Variants in FHIT observed in about 807,000 individuals in gnomAD.
The protein encoded by FHIT is bis(5'-adenosyl)-triphosphatase.
Under a neutral mutation model 17.9 loss-of-function variants are expected in FHIT, and 19 were observed. That is an observed-to-expected ratio of 1.06 (90% CI 0.74 to 1.56). The LOEUF is 1.56. Ranked by LOEUF, FHIT falls within the 40% of genes most tolerant of loss-of-function variation. FHIT has a pLI of 0.00. For synonymous variants in FHIT, 81 were observed against 69.7 expected, an observed-to-expected ratio of 1.16 and a Z score of -0.81; for missense variants, 248 against 189.2, an observed-to-expected ratio of 1.31 and a Z score of -1.82.
chr3:60,690,537 T>C, intron 4 of FHIT: 1 of 558,008 alleles, frequency 1.8e-6, no homozygotes, highest in Non-Finnish European at 3.6e-6. Context: ...CACCCTGACA[T>C]ACAAACCCTG....
chr3:60,167,200 C>T (rs1701212958), intron 5 of FHIT, among the ~76,000 whole-genome samples: 1 of 152,150 alleles, frequency 6.6e-6, no homozygotes, highest in South Asian at 2.1e-4. Flanking sequence ...AAATAAAGTG[C>T]CATACACAGT....
At chr3:60,515,563 T>C (rs981366528) in intron 5 of FHIT, among the ~76,000 whole-genome samples, 9 of 134,464 alleles carry the variant, frequency 6.7e-5, no homozygotes, top group East Asian at 4.0e-4. Flanking sequence ...AAAGGGAAGT[T>C]TGGGCTTTAA....
chr3:60,802,315 A>G (rs1195984347), intron 4 of FHIT, among the ~76,000 whole-genome samples: 4 of 152,184 alleles, frequency 2.6e-5, no homozygotes, highest in Non-Finnish European at 5.9e-5. Flanking sequence ...ACGTTTTCAG[A>G]ACAAATACCA....
chr3:60,630,026 C>T (rs928333146), intron 4 of FHIT, among the ~76,000 whole-genome samples: 12 of 152,144 alleles, frequency 7.9e-5, no homozygotes, highest in Non-Finnish European at 1.2e-4. Context: ...GGGATCAAAG[C>T]GTATGGGAGG....
At chr3:59,896,463 A>G (rs927505694) in intron 8 of FHIT, among the ~76,000 whole-genome samples, 1 of 152,194 alleles carries the variant, frequency 6.6e-6, no homozygotes, top group African/African-American at 2.4e-5. Context: ...GAAAATCAGA[A>G]TAATAGAGGG....
intron 4 of FHIT, among the ~76,000 whole-genome samples, chr3:60,710,657 G>C (rs1185286631): frequency 6.6e-6 from 1 of 152,214 alleles, no homozygotes; most frequent in Non-Finnish European, 1.5e-5. Context: ...CACCCACGGA[G>C]TCTCACTGAT....
intron 3 of FHIT, among the ~76,000 whole-genome samples, chr3:60,913,277 A>C (rs1459002800): frequency 2.0e-5 from 3 of 152,242 alleles, no homozygotes; most frequent in Non-Finnish European, 4.4e-5. Flanking sequence ...ACAGAATTTG[A>C]AATTTCAACA....
Position 60,885,025 on chromosome 3 carries a change from T to C in FHIT, c.-110-63014A>G, listed in dbSNP as rs1020142117. 5.1e-5 allele frequency among the ~76,000 whole-genome samples: 7 copies of C among 138,222 alleles called. No homozygotes were observed. The South Asian group carries it at 1.7e-3, about 33-fold the overall frequency. 90.7% of individuals were successfully genotyped at this position (138,222 alleles called of 152,430 possible). On this transcript the variant is annotated intron_variant, in intron 3 of 9. Coordinates refer to ENST00000492590, the MANE Select transcript of FHIT (RefSeq NM_002012.4). ...GGATCTCATGGAGGTAGAAAGTTGA[T>C]GGGTGCTACTAGAGCCTGGAAAGGG...
chr3:61,222,156 G>A (rs553654049), intron 1 of FHIT, among the ~76,000 whole-genome samples: 77 of 152,230 alleles, frequency 5.1e-4, no homozygotes, highest in African/African-American at 1.7e-3. Context: ...CAGACACTGC[G>A]GACAGGGAAA....
At chr3:60,860,482 CATATGTATCATATATATCAGGTAT>C (rs1703679907) in intron 3 of FHIT, among the ~76,000 whole-genome samples, 3 of 124,812 alleles carry the variant, frequency 2.4e-5, no homozygotes, top group African/African-American at 9.2e-5. Flanking sequence ...ATATATGATA[CATATGTATCATATATATCAGGTAT>C]ATATGATACA....
At chr3:61,096,648 G>A (rs2035648150) in intron 2 of FHIT, among the ~76,000 whole-genome samples, 1 of 152,188 alleles carries the variant, frequency 6.6e-6, no homozygotes, top group African/African-American at 2.4e-5. Flanking sequence ...AGGGTGTTGA[G>A]CCAGAAGGCT....
intron 5 of FHIT, among the ~76,000 whole-genome samples, chr3:60,051,554 C>T (rs1025731238): frequency 3.3e-5 from 5 of 152,132 alleles, no homozygotes; most frequent in Admixed American, 6.6e-5. Flanking sequence ...TGCCATGCCA[C>T]TTTATCTCTC....
chr3:60,211,012 G>T (rs1703425355), intron 5 of FHIT, among the ~76,000 whole-genome samples: 1 of 148,698 alleles, frequency 6.7e-6, no homozygotes, highest in South Asian at 2.1e-4. Context: ...TATAAATAGG[G>T]GATGGAGTGA....
Position 60,486,685 on chromosome 3 carries a change from A to T in FHIT, c.103+50175T>A, listed in dbSNP as rs2033856396. On this transcript the variant is annotated intron_variant, in intron 5 of 9. Coordinates refer to ENST00000492590, the MANE Select transcript of FHIT (RefSeq NM_002012.4). ...TTAATAACTTCAAATATCAGCTTCA[A>T]AGATGTACTTTTGATGAACAAAGCC... Among the ~76,000 whole-genome samples the T allele has an allele frequency of 2.6e-5, 4 of 152,198 alleles. 1 individual carries two copies. Among genetic ancestry groups the T allele is most frequent in the Non-Finnish European group, 5.9e-5 (4 of 68,034 alleles).
intron 4 of FHIT, among the ~76,000 whole-genome samples, chr3:60,711,856 A>G (rs2041542742): frequency 6.6e-6 from 1 of 152,180 alleles, no homozygotes; most frequent in African/African-American, 2.4e-5. Context: ...TCTGCAGGAT[A>G]TTATCCAGGA....
At chr3:60,758,248 C>T (rs1553718804) in intron 4 of FHIT, among the ~76,000 whole-genome samples, 1 of 152,168 alleles carries the variant, frequency 6.6e-6, no homozygotes, top group Admixed American at 6.5e-5. Context: ...TCCCCTTTAC[C>T]CTTCAGGAGT....
At chr3:60,028,638 A>C (rs894271909) in intron 5 of FHIT, among the ~76,000 whole-genome samples, 10 of 152,202 alleles carry the variant, frequency 6.6e-5, no homozygotes, top group Admixed American at 6.5e-4. Flanking sequence ...AAAAACAAAA[A>C]ACCAAATGTG....
intron 5 of FHIT, among the ~76,000 whole-genome samples, chr3:60,515,343 A>C (rs1173196667): frequency 6.6e-6 from 1 of 152,210 alleles, no homozygotes; most frequent in East Asian, 1.9e-4. Context: ...AGGAGGAGGA[A>C]GGAAAATCTA....
intron 7 of FHIT, among the ~76,000 whole-genome samples, chr3:59,956,620 A>G (rs181683575): frequency 6.6e-6 from 1 of 152,166 alleles, no homozygotes; most frequent in Non-Finnish European, 1.5e-5. Flanking sequence ...GTGAGCCAAG[A>G]TCGCGCCACT....
Sources: gnomAD v4.1 joint callset for allele counts (sites outside exome capture counted in the v4.1 genomes callset) on GRCh38, gnomAD v4.1.1 for gene constraint, MANE v1.5 for transcripts, NCBI Gene and HGNC (gene_info 2026-07-23, HGNC 2026-07-21) for gene names.